The following DCC variants were observed in gnomAD, a reference collection of about 807,000 sequenced individuals.
DCC encodes netrin receptor DCC.
DCC carries 58 observed loss-of-function variants against 172.5 expected under a neutral mutation model. The ratio of observed to expected loss-of-function variants is 0.34; its 90% CI spans 0.27 to 0.42. DCC has a LOEUF of 0.42. DCC is among the 10% of genes least tolerant of loss of function. The probability of loss-of-function intolerance (pLI) is 1.00; values close to 1 mark genes in which losing one functional copy is unlikely to be tolerated. For synonymous variants in DCC, 709 were observed against 644.5 expected (o/e 1.10, Z -1.52); for missense variants, 1,740 against 1,791.0 (o/e 0.97, Z 0.51).
intron 27 of DCC, among the ~76,000 whole-genome samples, chr18:53,501,805 C>CTACAATAACAAAAGGATACAATTTTTTT: frequency 1.3e-5 from 2 of 152,088 alleles, no homozygotes; most frequent in Non-Finnish European, 2.9e-5. Context: ...CTCTGAAGTG[C>CTACAATAACAAAAGGATACAATTTTTTT]TACAATAACA....
rs182204696 is a variant in DCC, at chr18:52,357,587, C to T, written c.91+16709C>T. ...TTCAAAATATTATATATACTCTACT[C>T]TCGAAGAGTAGATAGAGTACAACCC... On this transcript the variant is annotated intron_variant, in intron 1 of 28. Coordinates refer to ENST00000442544, the MANE Select transcript of DCC (RefSeq NM_005215.4). Among the ~76,000 whole-genome samples the T allele has an allele frequency of 7.9e-5, 12 of 152,216 alleles. No individual in the cohort carries two copies. The East Asian group carries it at 1.9e-3, about 25-fold the overall frequency.
chr18:52,379,782 C>G (rs1985508531), intron 1 of DCC, among the ~76,000 whole-genome samples: 1 of 152,144 alleles, frequency 6.6e-6, no homozygotes, highest in Admixed American at 6.5e-5. Context: ...GGTACTTTGC[C>G]TTGAAGTTCC....
intron 1 of DCC, among the ~76,000 whole-genome samples, chr18:52,402,113 T>G (rs1051685864): frequency 7.2e-5 from 11 of 152,050 alleles, no homozygotes; most frequent in African/African-American, 2.2e-4. Flanking sequence ...ATCTAACTGA[T>G]TGGGTTATAC....
chr18:53,153,107 C>T (rs768692742), intron 7 of DCC, among the ~76,000 whole-genome samples: 21 of 152,126 alleles, frequency 1.4e-4, no homozygotes, highest in Admixed American at 2.6e-4. Flanking sequence ...GAGTGAGATG[C>T]TCTTGGAGGA....
At chr18:53,054,478 G>A (rs776694696) in intron 5 of DCC, among the ~76,000 whole-genome samples, 15 of 152,110 alleles carry the variant, frequency 9.9e-5, no homozygotes, top group Middle Eastern at 6.8e-3. Flanking sequence ...TAACAAAAGC[G>A]TAGCAATAAT....
intron 12 of DCC, among the ~76,000 whole-genome samples, chr18:53,274,441 A>G (rs548572855): frequency 6.6e-6 from 1 of 152,160 alleles, no homozygotes; most frequent in Non-Finnish European, 1.5e-5. Flanking sequence ...TTTAAATTGA[A>G]TCAATTGCAA....
rs1462077405 is a variant in DCC, at chr18:52,427,448, A to C, written c.91+86570A>C. 6.6e-5 allele frequency among the ~76,000 whole-genome samples: 10 copies of C among 152,230 alleles called. No individual in the cohort carries two copies. In the South Asian group the frequency reaches 1.9e-3, roughly 28 times the overall value. On this transcript the variant is annotated intron_variant, in intron 1 of 28. Transcript: ENST00000442544. ...GAAGGAAAGAGAAAAAAGAAAGTTG[A>C]AATTCAGATTTGGATCAGTTATACC...
At chr18:52,367,962 C>G (rs2144289579) in intron 1 of DCC, among the ~76,000 whole-genome samples, 1 of 152,238 alleles carries the variant, frequency 6.6e-6, no homozygotes, top group East Asian at 1.9e-4. Flanking sequence ...AGGGGTTGTT[C>G]CAGTCCAGAT....
chr18:53,459,539 C>T (rs1351684234), intron 24 of DCC, 81 bp downstream of exon 24: 1 of 875,724 alleles, frequency 1.1e-6, no homozygotes, highest in Non-Finnish European at 1.9e-6. Flanking sequence ...ATGGAAATGT[C>T]TTCCCTACTA....
intron 13 of DCC, among the ~76,000 whole-genome samples, chr18:53,309,394 A>C (rs1181966552): frequency 6.6e-6 from 1 of 152,082 alleles, no homozygotes; most frequent in Non-Finnish European, 1.5e-5. Flanking sequence ...ATCCAGGATG[A>C]CTTCATCTTG....
chr18:52,858,054 T>G (rs902473414), intron 2 of DCC, among the ~76,000 whole-genome samples: 1 of 152,230 alleles, frequency 6.6e-6, no homozygotes, highest in Non-Finnish European at 1.5e-5. Context: ...CATCCTGATT[T>G]TCTAGTCAAA....
intron 5 of DCC, among the ~76,000 whole-genome samples, chr18:52,929,476 A>T (rs1020861543): frequency 2.6e-5 from 4 of 152,132 alleles, no homozygotes; most frequent in African/African-American, 9.7e-5. Flanking sequence ...CGTGACCGTA[A>T]TGTAATGATC....
intron 1 of DCC, among the ~76,000 whole-genome samples, chr18:52,399,752 A>G (rs1031292297): frequency 1.3e-5 from 2 of 151,990 alleles, no homozygotes; most frequent in Non-Finnish European, 2.9e-5. Context: ...TTTTTCCATT[A>G]TAAAGCCGTT....
chr18:53,178,908 T>C, intron 8 of DCC, 54 bp from the exon 9 acceptor site: 1 of 1,602,322 alleles, frequency 6.2e-7, no homozygotes, highest in Non-Finnish European at 8.5e-7. Context: ...ATACAGATTT[T>C]GGCTGAAGGT....
intron 15 of DCC, among the ~76,000 whole-genome samples, chr18:53,345,842 TAG>T (rs1294391956): frequency 1.3e-5 from 2 of 152,044 alleles, no homozygotes; most frequent in African/African-American, 4.8e-5. Flanking sequence ...GAAAAACCAT[TAG>T]AGTTTTAGAC....
chr18:53,191,879 G>C (rs879635311), intron 9 of DCC, among the ~76,000 whole-genome samples: 9 of 152,070 alleles, frequency 5.9e-5, no homozygotes, highest in Admixed American at 2.6e-4. Context: ...CTAGAGAAAG[G>C]GGAATTGTTG....
chr18:52,616,383 T>A (rs1457980563), intron 1 of DCC, among the ~76,000 whole-genome samples: 1 of 152,190 alleles, frequency 6.6e-6, no homozygotes, highest in Non-Finnish European at 1.5e-5. Context: ...TAAATAAGAT[T>A]GTTCTTACAA....
intron 1 of DCC, among the ~76,000 whole-genome samples, chr18:52,581,712 T>A (rs934734643): frequency 6.6e-6 from 1 of 152,198 alleles, no homozygotes; most frequent in Non-Finnish European, 1.5e-5. Flanking sequence ...TCCAGGAACA[T>A]GTCAGAGACA....
chr18:53,169,966 A>G (rs962801648), intron 8 of DCC, among the ~76,000 whole-genome samples: 2 of 152,018 alleles, frequency 1.3e-5, no homozygotes, highest in Non-Finnish European at 2.9e-5. Flanking sequence ...GCCCTTCCAA[A>G]CTCAGATGTT....
Sources: allele counts gnomAD v4.1 joint callset (sites outside exome capture counted in the v4.1 genomes callset), GRCh38; gene constraint gnomAD v4.1.1; transcripts MANE v1.5; gene names NCBI Gene and HGNC (gene_info 2026-07-23, HGNC 2026-07-21).